Variants in ARSB observed in about 807,000 individuals in gnomAD.
The protein encoded by ARSB is arylsulfatase B, also known as N-acetylgalactosamine-4-sulfatase.
Under a neutral mutation model 50.9 loss-of-function variants are expected in ARSB, and 41 were observed. That is an observed-to-expected ratio of 0.81 (90% CI 0.63 to 1.04). The LOEUF is 1.04. Ranked by LOEUF, ARSB falls within the 50% of genes least tolerant of loss-of-function variation. The probability of loss-of-function intolerance (pLI) is 0.00; values close to 1 mark genes in which losing one functional copy is unlikely to be tolerated. For missense variants in ARSB, 672 were observed against 693.3 expected, an observed-to-expected ratio of 0.97 and a Z score of 0.35; for synonymous variants, 269 against 284.8, an observed-to-expected ratio of 0.94 and a Z score of 0.56.
intron 4 of ARSB, among the ~76,000 whole-genome samples, chr5:78,947,041 T>C (rs1434737089): frequency 2.0e-5 from 3 of 152,154 alleles, no homozygotes; most frequent in Admixed American, 6.5e-5. Context: ...GGATAGTCTC[T>C]TCAATAAATG....
At chr5:78,848,457 T>G (rs1745570920) in intron 5 of ARSB, among the ~76,000 whole-genome samples, 1 of 151,058 alleles carries the variant, frequency 6.6e-6, no homozygotes, top group African/African-American at 2.4e-5. Flanking sequence ...CTTAATCCAG[T>G]CTATCATTGT....
At chr5:78,806,211 C>G (rs1296665261) in intron 6 of ARSB, among the ~76,000 whole-genome samples, 1 of 152,150 alleles carries the variant, frequency 6.6e-6, no homozygotes, top group Non-Finnish European at 1.5e-5. Flanking sequence ...AATAATCAAA[C>G]AAAATTAACC....
chr5:78,938,048 C>T (rs1194516815), intron 4 of ARSB, among the ~76,000 whole-genome samples: 1 of 152,198 alleles, frequency 6.6e-6, no homozygotes, highest in Non-Finnish European at 1.5e-5. Context: ...CAACCAGCTT[C>T]CCCACCATCC....
chr5:78,982,642 G>A (rs1219423317), intron 1 of ARSB, among the ~76,000 whole-genome samples: 1 of 152,222 alleles, frequency 6.6e-6, no homozygotes, highest in Non-Finnish European at 1.5e-5. Flanking sequence ...ACAGAACAGA[G>A]ATGATAGAGT....
chr5:78,918,735 A>G (rs1383027186), intron 4 of ARSB, among the ~76,000 whole-genome samples: 1 of 152,238 alleles, frequency 6.6e-6, no homozygotes, highest in East Asian at 1.9e-4. Flanking sequence ...AGTCAAAGCA[A>G]TTTTTATCAA....
intron 6 of ARSB, among the ~76,000 whole-genome samples, chr5:78,827,438 T>G (rs926496149): frequency 6.6e-6 from 1 of 152,186 alleles, no homozygotes; most frequent in Non-Finnish European, 1.5e-5. Flanking sequence ...CTTGAGCTCC[T>G]GGCCTCATGC....
chr5:78,869,147 A>T (rs1746977096), intron 5 of ARSB, among the ~76,000 whole-genome samples: 1 of 142,648 alleles, frequency 7.0e-6, no homozygotes, highest in Non-Finnish European at 1.5e-5. Flanking sequence ...ATACAGGAGC[A>T]CCCAGATTCA....
At chr5:78,961,492 G>A (rs983727915) in intron 3 of ARSB, among the ~76,000 whole-genome samples, 18 of 152,118 alleles carry the variant, frequency 1.2e-4, no homozygotes, top group Non-Finnish European at 2.9e-5. Flanking sequence ...CAGCGGCTAT[G>A]GTAATAACAC....
intron 4 of ARSB, among the ~76,000 whole-genome samples, chr5:78,898,954 T>C (rs1748688308): frequency 6.6e-6 from 1 of 152,264 alleles, no homozygotes; most frequent in African/African-American, 2.4e-5. Context: ...TCTTTCAGAC[T>C]GAAGAACTGC....
At chr5:78,790,380 TAGTACTAAGTAC>T (rs1392755863) in intron 6 of ARSB, among the ~76,000 whole-genome samples, 2 of 152,206 alleles carry the variant, frequency 1.3e-5, no homozygotes, top group South Asian at 2.1e-4. Flanking sequence ...TAAAAATGTC[TAGTACTAAGTAC>T]AGCATATAGA....
intron 5 of ARSB, among the ~76,000 whole-genome samples, chr5:78,847,970 A>C (rs147985552): frequency 6.6e-6 from 1 of 151,996 alleles, no homozygotes; most frequent in African/African-American, 2.4e-5. Context: ...CTAGCTAATT[A>C]TTTGTCAGTT....
chr5:78,922,495 A>AT (rs1749866004), intron 4 of ARSB, among the ~76,000 whole-genome samples: 1 of 151,968 alleles, frequency 6.6e-6, no homozygotes, highest in Non-Finnish European at 1.5e-5. Context: ...TCCTGGCAGC[A>AT]TTCATCACCT....
intron 4 of ARSB, among the ~76,000 whole-genome samples, chr5:78,927,831 A>G (rs181403081): frequency 6.6e-6 from 1 of 152,364 alleles, no homozygotes; most frequent in Admixed American, 6.5e-5. Flanking sequence ...TCACAAGACC[A>G]GAATCCAGAG....
intron 6 of ARSB, among the ~76,000 whole-genome samples, chr5:78,800,702 T>C (rs1743356825): frequency 6.6e-6 from 1 of 152,138 alleles, no homozygotes; most frequent in African/African-American, 2.4e-5. Context: ...ATTGGGAGAA[T>C]AAATGTCAAT....
chr5:78,831,558 C>T (rs1744686601), intron 6 of ARSB, among the ~76,000 whole-genome samples: 1 of 152,134 alleles, frequency 6.6e-6, no homozygotes, highest in Non-Finnish European at 1.5e-5. Context: ...TATCTGGGTG[C>T]CCTTCTCCCA....
intron 4 of ARSB, among the ~76,000 whole-genome samples, chr5:78,898,907 T>C (rs987434707): frequency 2.4e-4 from 37 of 152,372 alleles, no homozygotes; most frequent in Non-Finnish European, 4.1e-4. Context: ...GTAGGTTTTA[T>C]ACTTTGAAAA....
rs1202581327 is a variant in ARSB at position 78,981,160 on chromosome 5, C to G, written c.312+3777G>C. Among the ~76,000 whole-genome samples the G allele has an allele frequency of 1.8e-3, 12 of 6,698 alleles. 5 individuals are homozygous for G. The Admixed American group carries it at 0.022, about 12-fold the overall frequency. The allele number at this position is 6,698 out of a possible 152,430, so 4.4% of individuals were successfully genotyped here. On this transcript the variant is annotated intron_variant, in intron 1 of 7. Transcript: ENST00000264914. ...AGAGACGGGGTTTCACCGTTTTAGC[C>G]GGGATGGTCTCGATCTCCTGACCTC...
At chr5:78,976,275 CTACT>C (rs1166900351) in intron 1 of ARSB, among the ~76,000 whole-genome samples, 40 of 136,938 alleles carry the variant, frequency 2.9e-4, no homozygotes, top group African/African-American at 9.9e-4. Context: ...TAAAAACAGG[CTACT>C]TTTTTTTTTT....
chr5:78,805,811 C>T (rs746443068), intron 6 of ARSB, among the ~76,000 whole-genome samples: 24 of 152,142 alleles, frequency 1.6e-4, no homozygotes, highest in Non-Finnish European at 3.1e-4. Flanking sequence ...CACTTAGACA[C>T]GATGCCTGTG....
Sources: gnomAD v4.1 joint callset for allele counts (sites outside exome capture counted in the v4.1 genomes callset) on GRCh38, gnomAD v4.1.1 for gene constraint, MANE v1.5 for transcripts, NCBI Gene and HGNC (gene_info 2026-07-23, HGNC 2026-07-21) for gene names.